The following APBA1 variants were observed in gnomAD, a reference collection of about 807,000 sequenced individuals.
APBA1 encodes the protein amyloid-beta A4 precursor protein-binding family A member 1.
A neutral mutation model predicts 86.6 loss-of-function variants in APBA1; 55 were observed. The ratio of observed to expected loss-of-function variants is 0.64; its 90% CI spans 0.51 to 0.80. The LOEUF (loss-of-function observed/expected upper bound fraction) is 0.80. Ranked by LOEUF, APBA1 falls within the 30% of genes least tolerant of loss-of-function variation. The pLI, the probability that APBA1 is intolerant of heterozygous loss-of-function variation, is 0.00. For synonymous variants in APBA1, 511 were observed against 493.9 expected (o/e 1.03, Z -0.46); for missense variants, 1,090 against 1,183.0 (o/e 0.92, Z 1.15).
At chr9:69,439,548 G>A (rs1258170619) in intron 11 of APBA1, among the ~76,000 whole-genome samples, 13 of 151,914 alleles carry the variant, frequency 8.6e-5, no homozygotes, top group African/African-American at 1.7e-4. Context: ...ATCTTCCATT[G>A]CTGATACCCT....
intron 1 of APBA1, among the ~76,000 whole-genome samples, chr9:69,658,274 TTC>T (rs1491574165): frequency 0.027 from 1,820 of 67,776 alleles, 103 homozygotes; most frequent in South Asian, 0.054. Flanking sequence ...CTTTCTTTCT[TTC>T]TTTCTTTCTC....
chr9:69,647,222 A>G lies in APBA1; in HGVS notation c.-70+24931T>C, dbSNP rs532118291. On this transcript the variant is annotated intron_variant, in intron 1 of 12. Coordinates refer to ENST00000265381, the MANE Select transcript of APBA1 (RefSeq NM_001163.4). ...TAGCTTTTTGTTGTTGTTGTTCAGA[A>G]AGCAGACACTGTTCAAGCCTGGAAA... Among the ~76,000 whole-genome samples the G allele has an allele frequency of 2.6e-4, 39 of 152,326 alleles. No homozygotes were observed. The South Asian group carries it at 4.8e-3, about 19-fold the overall frequency.
intron 1 of APBA1, among the ~76,000 whole-genome samples, chr9:69,645,609 C>T (rs566804102): frequency 5.9e-5 from 9 of 152,138 alleles, no homozygotes; most frequent in African/African-American, 2.2e-4. Context: ...GCAGCCTGCA[C>T]GGAGGCGGAC....
intron 1 of APBA1, among the ~76,000 whole-genome samples, chr9:69,624,292 C>T (rs1822884569): frequency 6.6e-6 from 1 of 152,188 alleles, no homozygotes; most frequent in East Asian, 1.9e-4. Flanking sequence ...TACACACTTA[C>T]AGAGCAAGTA....
chr9:69,573,681 G>A (rs773117074), intron 1 of APBA1, among the ~76,000 whole-genome samples: 1 of 152,162 alleles, frequency 6.6e-6, no homozygotes, highest in Non-Finnish European at 1.5e-5. Flanking sequence ...CTGCAAAACG[G>A]TATTCTTGCG....
At chr9:69,541,063 T>G (rs1415309302) in intron 1 of APBA1, among the ~76,000 whole-genome samples, 1 of 152,252 alleles carries the variant, frequency 6.6e-6, no homozygotes, top group East Asian at 1.9e-4. Flanking sequence ...CGCATGTATA[T>G]ATCACATTTT....
At chr9:69,652,970 C>T (rs1823535776) in intron 1 of APBA1, among the ~76,000 whole-genome samples, 1 of 151,080 alleles carries the variant, frequency 6.6e-6, no homozygotes, top group Admixed American at 6.6e-5. Flanking sequence ...ACACTCCAGC[C>T]TGGGTGACAG....
At chr9:69,561,488 C>T (rs1836944901) in intron 1 of APBA1, among the ~76,000 whole-genome samples, 1 of 152,228 alleles carries the variant, frequency 6.6e-6, no homozygotes, top group South Asian at 2.1e-4. Flanking sequence ...AAGTGGAGAA[C>T]AAAATAAATC....
At chr9:69,635,446 A>T (rs1823137186) in intron 1 of APBA1, among the ~76,000 whole-genome samples, 1 of 152,108 alleles carries the variant, frequency 6.6e-6, no homozygotes, top group South Asian at 2.1e-4. Flanking sequence ...AGGAAAGACC[A>T]CAATACAGCC....
chr9:69,538,395 C>A (rs1836547661), intron 1 of APBA1, among the ~76,000 whole-genome samples: 1 of 152,192 alleles, frequency 6.6e-6, no homozygotes, highest in Non-Finnish European at 1.5e-5. Context: ...CCTACTGCAT[C>A]TGTAGGTGAA....
At chr9:69,599,960 C>T (rs775523344) in intron 1 of APBA1, among the ~76,000 whole-genome samples, 5 of 152,278 alleles carry the variant, frequency 3.3e-5, no homozygotes, top group East Asian at 1.9e-4. Flanking sequence ...TGCCCGGTAG[C>T]GTTTCTGCAA....
chr9:69,540,120 C>T (rs1019146476), intron 1 of APBA1, among the ~76,000 whole-genome samples: 3 of 141,568 alleles, frequency 2.1e-5, no homozygotes, highest in African/African-American at 5.5e-5. Context: ...AACTCCATCT[C>T]GGCAACAACA....
chr9:69,592,762 C>T (rs568667150), intron 1 of APBA1, among the ~76,000 whole-genome samples: 2 of 152,262 alleles, frequency 1.3e-5, no homozygotes, highest in African/African-American at 4.8e-5. Flanking sequence ...GAGGCTTCCC[C>T]AGCCATGCGG....
chr9:69,496,466 G>A (rs1188749972), intron 2 of APBA1, among the ~76,000 whole-genome samples: 2 of 152,068 alleles, frequency 1.3e-5, no homozygotes, highest in African/African-American at 2.4e-5. Flanking sequence ...ACAGTTTGCT[G>A]TGCTGTGGAC....
At chr9:69,560,738 T>C (rs1312648516) in intron 1 of APBA1, among the ~76,000 whole-genome samples, 1 of 152,150 alleles carries the variant, frequency 6.6e-6, no homozygotes, top group Non-Finnish European at 1.5e-5. Context: ...TACTTAACAG[T>C]TGAGCATCCC....
chr9:69,516,004 T>C lies in APBA1; in HGVS notation c.1200+7A>G. ...GGCCGAGGAAGCCCAAACCCGCACCTACTTACATCTCCGTCCATCGGCCTC... is the reference window on the plus strand; with the variant it reads ...GGCCGAGGAAGCCCAAACCCGCACCCACTTACATCTCCGTCCATCGGCCTC... On this transcript the variant is annotated splice_region_variant and intron_variant, in intron 2 of 12. Coordinates refer to ENST00000265381, the MANE Select transcript of APBA1 (RefSeq NM_001163.4). This position sits in a 1 kb window ranked among gnomAD's most constrained non-coding sequence, Gnocchi z 7.3. 6.5e-7 allele frequency: 1 copy of C among 1,540,884 alleles called. No individual in the cohort carries two copies. Among genetic ancestry groups the C allele is most frequent in the East Asian group, 2.5e-5 (1 of 39,718 alleles).
intron 1 of APBA1, among the ~76,000 whole-genome samples, chr9:69,658,264 C>CT (rs780260549): frequency 1.5e-5 from 1 of 65,826 alleles, no homozygotes; most frequent in Non-Finnish European, 3.2e-5. Context: ...TTCTTTCTTT[C>CT]TTTCTTTCTT....
At chr9:69,565,264 C>A (rs572252636) in intron 1 of APBA1, among the ~76,000 whole-genome samples, 1 of 151,900 alleles carries the variant, frequency 6.6e-6, no homozygotes, top group Non-Finnish European at 1.5e-5. Context: ...GGTGCCTGTC[C>A]GAGCCCAAAA....
chr9:69,535,483 T>C (rs530994878), intron 1 of APBA1, among the ~76,000 whole-genome samples: 5 of 152,228 alleles, frequency 3.3e-5, no homozygotes, highest in African/African-American at 1.2e-4. Flanking sequence ...AAGGTGTTAA[T>C]CATTGTCCTG....
Sources: gnomAD v4.1 joint callset for allele counts (sites outside exome capture counted in the v4.1 genomes callset) on GRCh38, gnomAD v4.1.1 for gene constraint, Gnocchi (gnomAD v3.1) non-coding constraint, MANE v1.5 for transcripts, NCBI Gene and HGNC (gene_info 2026-07-23, HGNC 2026-07-21) for gene names.